CDC14A: variants seen among roughly 807,000 people sequenced by gnomAD.
The protein encoded by CDC14A is cell division cycle 14A.
CDC14A carries 53 observed loss-of-function variants against 74.4 expected under a neutral mutation model. The ratio of observed to expected loss-of-function variants is 0.71; its 90% CI spans 0.57 to 0.89. CDC14A has a LOEUF of 0.89. Ranked by LOEUF, CDC14A falls within the 40% of genes least tolerant of loss-of-function variation. The pLI, the probability that CDC14A is intolerant of heterozygous loss-of-function variation, is 0.00. For synonymous variants in CDC14A, 247 were observed against 258.4 expected (o/e 0.96, Z 0.43); for missense variants, 646 against 713.7 (o/e 0.91, Z 1.08).
At position 100,357,379 on chromosome 1, in the gene CDC14A, G is replaced by A. The variant is rs116547543; in HGVS notation, c.140+3527G>A. Among the ~76,000 whole-genome samples the A allele has an allele frequency of 5.6e-3, 856 of 152,120 alleles. 7 individuals carry two copies. The highest frequency in any genetic ancestry group is 0.02 in the African/African-American group (822 of 41,510). On this transcript the variant is annotated intron_variant, in intron 2 of 15. Coordinates refer to ENST00000336454, the MANE Select transcript of CDC14A (RefSeq NM_003672.4). ...TGAAGGGGAAAGGAGAAAGGGAGAA[G>A]GACTGACTCCATCTCGTCAGCTCCA...
chr1:100,518,814 T>C lies in CDC14A; in HGVS notation c.*534T>C, dbSNP rs1332640408. 6.6e-6 allele frequency: 1 copy of C among 152,620 alleles called. No individual in the cohort carries two copies. The highest frequency in any genetic ancestry group is 2.4e-5 in the African/African-American group (1 of 41,452). The allele number at this position is 152,620 out of a possible 1,614,324, so 9.5% of individuals were successfully genotyped here. ...AAGAAGAAGTAAGGGAGAAAGTTTT[T>C]AGAAAGTGATTTTTATGCTCGCACT... On this transcript the variant is annotated 3_prime_UTR_variant, in exon 16 of 16. Coordinates refer to ENST00000336454, the MANE Select transcript of CDC14A (RefSeq NM_003672.4).
intron 3 of CDC14A, among the ~76,000 whole-genome samples, chr1:100,389,958 C>T (rs1310371592): frequency 2.0e-5 from 3 of 152,024 alleles, no homozygotes; most frequent in Admixed American, 6.5e-5. Context: ...TATACTTATT[C>T]GAGTTTTGAT....
chr1:100,466,890 A>G (rs796998185), intron 9 of CDC14A, among the ~76,000 whole-genome samples: 23 of 149,098 alleles, frequency 1.5e-4, no homozygotes, highest in African/African-American at 5.3e-4. Flanking sequence ...AAAAAAAAAA[A>G]GAAGGGTTAA....
intron 11 of CDC14A, among the ~76,000 whole-genome samples, chr1:100,488,861 T>C (rs997444137): frequency 6.6e-6 from 1 of 152,234 alleles, no homozygotes; most frequent in African/African-American, 2.4e-5. Flanking sequence ...TCCCCCATTA[T>C]GACAGTGAAG....
chr1:100,489,128 T>G (rs1178500296), intron 11 of CDC14A, among the ~76,000 whole-genome samples: 3 of 152,208 alleles, frequency 2.0e-5, no homozygotes, highest in East Asian at 1.9e-4. Flanking sequence ...AGCAGCTTAT[T>G]ATAAAGATGA....
chr1:100,395,138 A>G (rs1304084632), intron 4 of CDC14A, among the ~76,000 whole-genome samples: 3 of 152,200 alleles, frequency 2.0e-5, no homozygotes, highest in Non-Finnish European at 4.4e-5. Context: ...CTGACTAATA[A>G]AAGTATTTTG....
chr1:100,477,553 T>G (rs1041763923), intron 10 of CDC14A, among the ~76,000 whole-genome samples: 2 of 151,720 alleles, frequency 1.3e-5, no homozygotes, highest in African/African-American at 4.8e-5. Context: ...CAAGGACTTA[T>G]CAAAAGAGGA....
chr1:100,358,279 G>T (rs537372808), intron 2 of CDC14A, among the ~76,000 whole-genome samples: 2 of 152,192 alleles, frequency 1.3e-5, no homozygotes, highest in African/African-American at 4.8e-5. Context: ...ATTGGGCCCC[G>T]TAATCCAAAC....
chr1:100,501,805 GTGAT>G (rs1467869418), intron 15 of CDC14A, among the ~76,000 whole-genome samples: 1 of 152,168 alleles, frequency 6.6e-6, no homozygotes, highest in Non-Finnish European at 1.5e-5. Context: ...GTGGAAGACA[GTGAT>G]ATTGATTATC....
intron 3 of CDC14A, among the ~76,000 whole-genome samples, chr1:100,386,591 T>G (rs1194139615): frequency 2.0e-5 from 3 of 151,716 alleles, no homozygotes; most frequent in Non-Finnish European, 4.4e-5. Context: ...AGGTCAGGAG[T>G]TCAAGACCAG....
chr1:100,434,970 G>T (rs1326460306), intron 5 of CDC14A, among the ~76,000 whole-genome samples: 1 of 152,202 alleles, frequency 6.6e-6, no homozygotes, highest in Non-Finnish European at 1.5e-5. Flanking sequence ...GGCAGCCTCA[G>T]CTCCACCTGG....
chr1:100,352,659 A>T lies in CDC14A; in HGVS notation c.-296A>T, dbSNP rs753866525. 9.4e-6 allele frequency: 12 copies of T among 1,273,092 alleles called. No homozygotes were observed. The highest frequency in any genetic ancestry group is 1.2e-5 in the Non-Finnish European group (12 of 1,008,808). 78.9% of individuals were successfully genotyped at this position (1,273,092 alleles called of 1,614,324 possible). ...CCCTGAGAGCTGGTCTGCGTTTCCC[A>T]GGCGCGGCGGCGGCGGAGCAGCAGC... On this transcript the variant is annotated 5_prime_UTR_variant, in exon 1 of 16. Coordinates refer to ENST00000336454, the MANE Select transcript of CDC14A (RefSeq NM_003672.4).
chr1:100,445,775 C>A (rs1323287590), intron 7 of CDC14A, among the ~76,000 whole-genome samples: 1 of 152,114 alleles, frequency 6.6e-6, no homozygotes, highest in Non-Finnish European at 1.5e-5. Context: ...TTGACAACAA[C>A]CATCTAGGTG....
At chr1:100,392,263 C>T (rs1380468088) in intron 4 of CDC14A, among the ~76,000 whole-genome samples, 2 of 152,144 alleles carry the variant, frequency 1.3e-5, no homozygotes, top group Admixed American at 6.5e-5. Flanking sequence ...AATGACTACT[C>T]ATTTGAAATT....
chr1:100,494,292 T>C (rs1647448038), intron 11 of CDC14A, among the ~76,000 whole-genome samples: 1 of 152,252 alleles, frequency 6.6e-6, no homozygotes, highest in Non-Finnish European at 1.5e-5. Flanking sequence ...AGGAAAGATC[T>C]AGTGAACATG....
intron 3 of CDC14A, among the ~76,000 whole-genome samples, chr1:100,389,930 A>G (rs945949420): frequency 6.6e-6 from 1 of 152,194 alleles, no homozygotes; most frequent in Non-Finnish European, 1.5e-5. Context: ...ATTGAGTTAC[A>G]TTGTGTTCTC....
intron 7 of CDC14A, among the ~76,000 whole-genome samples, chr1:100,446,456 G>A (rs1270398301): frequency 6.6e-6 from 1 of 152,194 alleles, no homozygotes; most frequent in Non-Finnish European, 1.5e-5. Flanking sequence ...AAGGTTATAT[G>A]CATCTTCCTC....
chr1:100,438,234 T>C (rs1664559647), intron 5 of CDC14A, among the ~76,000 whole-genome samples: 1 of 152,186 alleles, frequency 6.6e-6, no homozygotes, highest in Non-Finnish European at 1.5e-5. Context: ...TTTTGGGGTA[T>C]TGCAAATTTG....
At chr1:100,404,602 G>C (rs914427369) in intron 4 of CDC14A, among the ~76,000 whole-genome samples, 38 of 152,100 alleles carry the variant, frequency 2.5e-4, no homozygotes, top group African/African-American at 8.7e-4. Flanking sequence ...AGGCTGAGGC[G>C]GGTGGATCAT....
Sources: gnomAD v4.1 joint callset for allele counts (sites outside exome capture counted in the v4.1 genomes callset) on GRCh38, gnomAD v4.1.1 for gene constraint, MANE v1.5 for transcripts, NCBI Gene and HGNC (gene_info 2026-07-23, HGNC 2026-07-21) for gene names.